PDE3A: variants seen among roughly 807,000 people sequenced by gnomAD.
The protein encoded by PDE3A is cGMP-inhibited 3',5'-cyclic phosphodiesterase 3A.
In PDE3A, 43 loss-of-function variants were observed where a neutral mutation model predicts 98.3. The ratio of observed to expected loss-of-function variants is 0.44; its 90% CI spans 0.34 to 0.56. The LOEUF (loss-of-function observed/expected upper bound fraction) is 0.56. Among genes scored for constraint, PDE3A ranks in the 20% least tolerant of loss-of-function variants. The pLI is 0.01. For synonymous variants in PDE3A, 663 were observed against 567.9 expected (o/e 1.17, Z -2.38); for missense variants, 1,427 against 1,440.7 (o/e 0.99, Z 0.15).
chr12:20,501,594 GTTAAAT>G (rs1946026521), intron 1 of PDE3A, among the ~76,000 whole-genome samples: 3 of 152,234 alleles, frequency 2.0e-5, no homozygotes, highest in African/African-American at 7.2e-5. Context: ...GAGCGAGGTA[GTTAAAT>G]TTTGTTTGCT....
chr12:20,472,650 A>C (rs1945459196), intron 1 of PDE3A, among the ~76,000 whole-genome samples: 1 of 152,184 alleles, frequency 6.6e-6, no homozygotes, highest in Non-Finnish European at 1.5e-5. Flanking sequence ...GTAAGTAGCT[A>C]GTGACTCTGT....
At chr12:20,669,270 A>T (rs970618517) in intron 15 of PDE3A, among the ~76,000 whole-genome samples, 1 of 152,218 alleles carries the variant, frequency 6.6e-6, no homozygotes, top group African/African-American at 2.4e-5. Flanking sequence ...GTTGGAAAAC[A>T]TGCTGCAGGA....
chr12:20,515,881 T>C (rs7304026), intron 1 of PDE3A, among the ~76,000 whole-genome samples: 45,191 of 145,032 alleles, frequency 0.31, 7,728 homozygotes, highest in East Asian at 0.6. Context: ...TACAGGCGCC[T>C]GCCACTACGC....
chr12:20,397,145 G>C (rs1488316245), intron 1 of PDE3A, among the ~76,000 whole-genome samples: 1 of 152,004 alleles, frequency 6.6e-6, no homozygotes, highest in Non-Finnish European at 1.5e-5. Context: ...AAAAATGTAT[G>C]TTTGTAAGTA....
At chr12:20,635,191 C>A (rs564479318) in intron 8 of PDE3A, 135 bp downstream of exon 8, 2 of 704,790 alleles carry the variant, frequency 2.8e-6, no homozygotes, top group Non-Finnish European at 4.7e-6. Context: ...GAGGACGAAG[C>A]GGGCAGATCA....
At chr12:20,551,670 G>T in intron 1 of PDE3A, 3 of 1,605,738 alleles carry the variant, frequency 1.9e-6, no homozygotes, top group South Asian at 2.2e-5. Flanking sequence ...GCCTGGACCC[G>T]CCCCTCAGCA....
chr12:20,652,032 C>T (rs1257705298), intron 14 of PDE3A, among the ~76,000 whole-genome samples: 2 of 150,304 alleles, frequency 1.3e-5, no homozygotes, highest in Admixed American at 6.7e-5. Flanking sequence ...GGTTTTTTGT[C>T]CTTGCGATAG....
At chr12:20,471,535 G>A (rs1945440286) in intron 1 of PDE3A, among the ~76,000 whole-genome samples, 3 of 152,160 alleles carry the variant, frequency 2.0e-5, no homozygotes, top group South Asian at 4.2e-4. Context: ...TCCCCTCTGG[G>A]TTCCCCTTAC....
At chr12:20,588,200 C>T (rs1171063508) in intron 2 of PDE3A, among the ~76,000 whole-genome samples, 2 of 152,116 alleles carry the variant, frequency 1.3e-5, no homozygotes, top group African/African-American at 2.4e-5. Flanking sequence ...GAATGCTTTG[C>T]AAAAAGACAG....
chr12:20,536,901 CATCTAGAAGTG>C (rs1271144293), intron 1 of PDE3A, among the ~76,000 whole-genome samples: 1 of 152,032 alleles, frequency 6.6e-6, no homozygotes, highest in Non-Finnish European at 1.5e-5. Flanking sequence ...CTGGAATATA[CATCTAGAAGTG>C]AAATTGCTGG....
intron 1 of PDE3A, among the ~76,000 whole-genome samples, chr12:20,419,984 C>A (rs1270712822): frequency 1.3e-5 from 2 of 151,992 alleles, no homozygotes; most frequent in African/African-American, 4.8e-5. Context: ...AGTGATCCAC[C>A]CACCTTGGTG....
chr12:20,654,050 G>A lies in PDE3A; in HGVS notation c.3029G>A (p.Gly1010Glu), dbSNP rs955793355. 2.5e-6 allele frequency: 4 copies of A among 1,614,046 alleles called. No individual in the cohort carries two copies. The highest frequency in any genetic ancestry group is 3.4e-6 in the Non-Finnish European group (4 of 1,179,990). The change falls in exon 15 of 16, where the codon GGG becomes GAG. Residue 1010 changes from glycine to glutamate, a missense_variant. Transcript: ENST00000359062. ...GAATCCTTCATCTCTCACATTGTGG[G>A]GCCTCTGTGCAACTCCTATGATTCA... ...LQESFISHIV[G>E]PLCNSYDSAG...
chr12:20,487,559 G>A, intron 1 of PDE3A, among the ~76,000 whole-genome samples: 1 of 150,706 alleles, frequency 6.6e-6, no homozygotes, highest in Non-Finnish European at 1.5e-5. Flanking sequence ...AGGCTGAGGT[G>A]GGGGAATTGC....
intron 2 of PDE3A, among the ~76,000 whole-genome samples, chr12:20,597,305 T>C (rs1943487637): frequency 6.6e-6 from 1 of 152,136 alleles, no homozygotes; most frequent in Non-Finnish European, 1.5e-5. Context: ...TCCCAACTCA[T>C]TGCTGGGTGG....
intron 1 of PDE3A, among the ~76,000 whole-genome samples, chr12:20,461,012 G>A (rs1047882823): frequency 1.3e-5 from 2 of 152,058 alleles, no homozygotes; most frequent in African/African-American, 4.8e-5. Flanking sequence ...TGTAGAGTCC[G>A]TATCAGTGGT....
chr12:20,462,758 TAAAA>T (rs1212815740), intron 1 of PDE3A, among the ~76,000 whole-genome samples: 2 of 152,160 alleles, frequency 1.3e-5, no homozygotes, highest in Non-Finnish European at 2.9e-5. Context: ...AAACGTCTTG[TAAAA>T]TATCAACATA....
intron 2 of PDE3A, among the ~76,000 whole-genome samples, chr12:20,573,837 A>G (rs1241227152): frequency 3.3e-5 from 5 of 152,246 alleles, no homozygotes; most frequent in Middle Eastern, 3.4e-3. Flanking sequence ...AGAAATTTAA[A>G]TAACTACAAG....
chr12:20,465,901 G>A (rs1406394944), intron 1 of PDE3A, among the ~76,000 whole-genome samples: 1 of 152,100 alleles, frequency 6.6e-6, no homozygotes, highest in Non-Finnish European at 1.5e-5. Flanking sequence ...ATACCAACTT[G>A]TGCCAAAAAA....
chr12:20,399,133 C>T (rs1822751), intron 1 of PDE3A, among the ~76,000 whole-genome samples: 117,157 of 152,090 alleles, frequency 0.77, 45,378 homozygotes, highest in East Asian at 0.98. Context: ...TCATCCATGT[C>T]GTAGCACATG....
Sources: allele counts gnomAD v4.1 joint callset (sites outside exome capture counted in the v4.1 genomes callset), GRCh38; gene constraint gnomAD v4.1.1; transcripts MANE v1.5; gene names NCBI Gene and HGNC (gene_info 2026-07-23, HGNC 2026-07-21).